WDR33: variants seen among roughly 807,000 people sequenced by gnomAD.
The protein encoded by WDR33 is WD repeat domain 33.
WDR33 carries 47 observed loss-of-function variants against 164.9 expected under a neutral mutation model. The ratio of observed to expected loss-of-function variants is 0.29; its 90% CI spans 0.23 to 0.36. The LOEUF is 0.36. WDR33 is among the 10% of genes least tolerant of loss of function. WDR33 has a pLI of 1.00. For synonymous variants in WDR33, 505 were observed against 589.0 expected, an observed-to-expected ratio of 0.86 and a Z score of 2.06; for missense variants, 1,137 against 1,754.1, an observed-to-expected ratio of 0.65 and a Z score of 6.28.
At chr2:127,753,150 T>C (rs1687421720) in intron 7 of WDR33, among the ~76,000 whole-genome samples, 1 of 151,974 alleles carries the variant, frequency 6.6e-6, no homozygotes, top group African/African-American at 2.4e-5. Flanking sequence ...TGGTCTCAAA[T>C]GCCTGACCTC....
Position 127,721,568 on chromosome 2 carries a change from G to A in WDR33, c.1671+268C>T, listed in dbSNP as rs1401673158. 6.6e-6 allele frequency among the ~76,000 whole-genome samples: 1 copy of A among 152,130 alleles called. No individual in the cohort carries two copies. Among genetic ancestry groups the A allele is most frequent in the Non-Finnish European group, 1.5e-5 (1 of 68,028 alleles). ...GCAGAGGTTGTAGCAAGCCGTGATC[G>A]CACCACTGCATTCCAGCCTGGGTGA... On this transcript the variant is annotated intron_variant, in intron 15 of 21. Transcript: ENST00000322313. The surrounding 1 kb of genome is among the most constrained non-coding windows in gnomAD (Gnocchi z 4.9).
intron 7 of WDR33, among the ~76,000 whole-genome samples, chr2:127,757,238 C>T (rs957364022): frequency 6.6e-6 from 1 of 151,924 alleles, no homozygotes; most frequent in African/African-American, 2.4e-5. Flanking sequence ...ATATTATGTA[C>T]AATATTTTAA....
In WDR33 at chr2:127,714,168, TC is replaced by T; in HGVS notation, c.2870-148del. The T allele has an allele frequency of 1.0e-6, 1 of 976,758 alleles. No individual in the cohort carries two copies. The allele number at this position is 976,758 out of a possible 1,614,324, so 60.5% of individuals were successfully genotyped here. ...TCTCAGCTTAGTTAGGAGACAAATGTCCCTGAAGCATTGGGTAATAGAACAG... is the reference window on the plus strand; with the variant it reads ...TCTCAGCTTAGTTAGGAGACAAATGTCCTGAAGCATTGGGTAATAGAACAG... On this transcript the variant is annotated intron_variant, in intron 17 of 21. Coordinates refer to ENST00000322313, the MANE Select transcript of WDR33 (RefSeq NM_018383.5). The surrounding 1 kb of genome is among the most constrained non-coding windows in gnomAD (Gnocchi z 4.3).
intron 1 of WDR33, among the ~76,000 whole-genome samples, chr2:127,782,247 A>C (rs1440845209): frequency 6.6e-6 from 1 of 151,996 alleles, no homozygotes; most frequent in Non-Finnish European, 1.5e-5. Context: ...TCTCTACTAA[A>C]AATACAAAAA....
rs1479882137 is a variant in WDR33, at chr2:127,701,393, C to A, written c.*4930G>T. 1 of 862,672 alleles carries A rather than the reference C, an allele frequency of 1.2e-6. No individual in the cohort carries two copies. The allele number at this position is 862,672 out of a possible 1,614,324, so 53.4% of individuals were successfully genotyped here. ...CCACAAAAGTCCGCAGAGCAGGCACCGCGGCACTTCCGCGAGCGCCGCAGG... is the reference window on the plus strand; with the variant it reads ...CCACAAAAGTCCGCAGAGCAGGCACAGCGGCACTTCCGCGAGCGCCGCAGG... On this transcript the variant is annotated 3_prime_UTR_variant, in exon 22 of 22. Transcript: ENST00000322313.
At chr2:127,756,971 G>A (rs1313795210) in intron 7 of WDR33, among the ~76,000 whole-genome samples, 1 of 151,928 alleles carries the variant, frequency 6.6e-6, no homozygotes, top group East Asian at 1.9e-4. Context: ...CAGCTACCAG[G>A]GAGGCTGAGG....
intron 7 of WDR33, among the ~76,000 whole-genome samples, chr2:127,753,322 C>T (rs1687426269): frequency 6.6e-6 from 1 of 152,158 alleles, no homozygotes; most frequent in South Asian, 2.1e-4. Context: ...TTTGTTTAAA[C>T]AAGTAGTCAT....
chr2:127,702,318 A>G lies in WDR33; in HGVS notation c.*4005T>C. 1.1e-6 allele frequency: 1 copy of G among 912,868 alleles called. No homozygotes were observed. The highest frequency in any genetic ancestry group is 1.4e-6 in the Non-Finnish European group (1 of 707,834). 56.5% of individuals were successfully genotyped at this position (912,868 alleles called of 1,614,324 possible). A position where few individuals can be genotyped will look rare whatever the true frequency, so the allele number is the denominator to read the frequency against. On this transcript the variant is annotated 3_prime_UTR_variant, in exon 22 of 22. Transcript: ENST00000322313. Reference sequence around the variant, plus strand: ...TAACAGCCTGCGAGTCTAATCCGGGAGCGGCTGCTGCCAGCGGAGGCGACA... The same window carrying G: ...TAACAGCCTGCGAGTCTAATCCGGGGGCGGCTGCTGCCAGCGGAGGCGACA...
At chr2:127,748,140 CCT>C (rs1238059406) in intron 7 of WDR33, among the ~76,000 whole-genome samples, 54 of 152,280 alleles carry the variant, frequency 3.5e-4, no homozygotes, top group Admixed American at 1.2e-3. Flanking sequence ...CATAGAATTG[CCT>C]CTGTTTTCCG....
At chr2:127,758,739 T>C (rs1010453479) in intron 7 of WDR33, among the ~76,000 whole-genome samples, 1 of 152,138 alleles carries the variant, frequency 6.6e-6, no homozygotes, top group South Asian at 2.1e-4. Context: ...CTGCCAGTAG[T>C]TAAGTGATCT....
At chr2:127,799,607 C>CTA (rs1395411442) in intron 1 of WDR33, among the ~76,000 whole-genome samples, 16 of 152,278 alleles carry the variant, frequency 1.1e-4, no homozygotes, top group African/African-American at 3.1e-4. Flanking sequence ...CCAGCCTGCG[C>CTA]AACATGGCGA....
intron 1 of WDR33, among the ~76,000 whole-genome samples, chr2:127,802,433 C>A (rs1334459690): frequency 6.6e-6 from 1 of 152,048 alleles, no homozygotes; most frequent in African/African-American, 2.4e-5. Context: ...AGGCATGTGC[C>A]ACCACGCCTG....
intron 1 of WDR33, among the ~76,000 whole-genome samples, chr2:127,799,254 C>T (rs144675221): frequency 3.3e-5 from 5 of 152,032 alleles, no homozygotes; most frequent in African/African-American, 1.2e-4. Flanking sequence ...TGGACATAAT[C>T]AAAATTGGAA....
chr2:127,809,194 G>A (rs564242393), intron 1 of WDR33, among the ~76,000 whole-genome samples: 1 of 152,006 alleles, frequency 6.6e-6, no homozygotes, highest in African/African-American at 2.4e-5. Context: ...ATATTCCACC[G>A]CAAAGTAATG....
chr2:127,743,234 A>G (rs1687076272), intron 7 of WDR33, among the ~76,000 whole-genome samples: 1 of 152,198 alleles, frequency 6.6e-6, no homozygotes, highest in Admixed American at 6.5e-5. Context: ...AAAATTAAAA[A>G]CCTAAAAATT....
rs1486301282 is a variant in WDR33, at chr2:127,703,671, T to C, written c.*2652A>G. ...AGCAAATGCAGTATCTTCAGAATGA[T>C]TTATTTTTTTAATTAATTGTAAAGA... On this transcript the variant is annotated 3_prime_UTR_variant, in exon 22 of 22. Transcript: ENST00000322313. 1 of 167,080 alleles carries C rather than the reference T, an allele frequency of 6.0e-6. No individual in the cohort carries two copies. The highest frequency in any genetic ancestry group is 1.5e-5 in the Non-Finnish European group (1 of 68,120). 10.3% of individuals were successfully genotyped at this position (167,080 alleles called of 1,614,324 possible). A position where few individuals can be genotyped will look rare whatever the true frequency, so the allele number is the denominator to read the frequency against.
In WDR33 at chr2:127,741,055, T is replaced by A. The variant is rs946925045; in HGVS notation, c.725-14278A>T. Reference sequence around the variant, plus strand: ...GTGGCAAAGGCTCAGTGACAAAGGCTGTGATGAAGTAATGAGGGTAATTAT... The same window carrying A: ...GTGGCAAAGGCTCAGTGACAAAGGCAGTGATGAAGTAATGAGGGTAATTAT... On this transcript the variant is annotated intron_variant, in intron 7 of 21. Coordinates refer to ENST00000322313, the MANE Select transcript of WDR33 (RefSeq NM_018383.5). This position sits in a 1 kb window ranked among gnomAD's most constrained non-coding sequence, Gnocchi z 4.1. 5.9e-5 allele frequency among the ~76,000 whole-genome samples: 9 copies of A among 152,202 alleles called. No individual in the cohort carries two copies. The highest frequency in any genetic ancestry group is 2.2e-4 in the African/African-American group (9 of 41,438).
At position 127,740,750 on chromosome 2, in the gene WDR33, A is replaced by C. The variant is rs537277249; in HGVS notation, c.725-13973T>G. On this transcript the variant is annotated intron_variant, in intron 7 of 21. Transcript: ENST00000322313. ...AAGGAAGATTATTTCAACGCCACTA[A>C]TGTGAAAAGGGAATTGTGCTTTGGA... Among the ~76,000 whole-genome samples, 31 of 152,362 alleles carry C rather than the reference A, an allele frequency of 2.0e-4. No homozygotes were observed. The South Asian group carries it at 6.4e-3, about 32-fold the overall frequency.
Position 127,723,021 on chromosome 2 carries a change from C to T in WDR33, c.1315G>A (p.Ala439Thr). The stretch of plus-strand genomic sequence containing the variant: ...GGTATTCCCATTCCTGGAATTACTG[C>T]CAGGCTATTAGGTTCGAGGTCATCT... ...EYDDLEPNSL[A>T]VIPGMGIPEQ... The change falls in exon 13 of 22, where the codon GCA becomes ACA. Residue 439 changes from alanine to threonine, a missense_variant. This residue lies in a region of WDR33 where 75 missense variants were observed against 124.7 expected (regional missense o/e 0.60). Coordinates refer to ENST00000322313, the MANE Select transcript of WDR33 (RefSeq NM_018383.5). The surrounding 1 kb of genome is among the most constrained non-coding windows in gnomAD (Gnocchi z 5.9). The T allele has an allele frequency of 6.2e-7, 1 of 1,612,496 alleles. No individual in the cohort carries two copies.
Sources: allele counts gnomAD v4.1 joint callset (sites outside exome capture counted in the v4.1 genomes callset), GRCh38; gene constraint gnomAD v4.1.1; regional missense constraint gnomAD v4.1.1; non-coding constraint Gnocchi (gnomAD v3.1); transcripts MANE v1.5; gene names NCBI Gene and HGNC (gene_info 2026-07-23, HGNC 2026-07-21).